Variants in CD55 observed in about 807,000 individuals in gnomAD.
CD55 encodes complement decay-accelerating factor.
CD55 carries 41 observed loss-of-function variants against 45.8 expected under a neutral mutation model. The observed-to-expected ratio is 0.90, with a 90% confidence interval of 0.70 to 1.16. The LOEUF is 1.16. Among genes scored for constraint, CD55 ranks in the 50% most tolerant of loss-of-function variants. CD55 has a pLI of 0.00. For synonymous variants in CD55, 181 were observed against 181.1 expected (o/e 1.00, Z 0.01); for missense variants, 416 against 469.8 (o/e 0.89, Z 1.06).
intron 5 of CD55, among the ~76,000 whole-genome samples, chr1:207,329,694 C>T (rs1340664144): frequency 6.6e-6 from 1 of 152,100 alleles, no homozygotes; most frequent in Non-Finnish European, 1.5e-5. Flanking sequence ...TCACTGCAGC[C>T]TCAACCTCCT....
intron 9 of CD55, among the ~76,000 whole-genome samples, chr1:207,350,590 G>T (rs543005454): frequency 6.6e-6 from 1 of 152,204 alleles, no homozygotes; most frequent in East Asian, 1.9e-4. Context: ...TTAGGAGGTT[G>T]TATTTTTCCA....
At chr1:207,339,319 T>C in intron 8 of CD55, 78 bp from the exon 9 acceptor site, 1 of 964,254 alleles carries the variant, frequency 1.0e-6, no homozygotes, top group Non-Finnish European at 1.6e-6. Context: ...AGTTTATTGA[T>C]AGTATATGAA....
intron 6 of CD55, among the ~76,000 whole-genome samples, chr1:207,332,074 C>A (rs564475584): frequency 7.9e-5 from 12 of 152,036 alleles, no homozygotes; most frequent in African/African-American, 2.6e-4. Context: ...GACATAATGA[C>A]ATAATATTAA....
chr1:207,349,186 A>AT lies in CD55; in HGVS notation c.1081+9783dup, dbSNP rs55880818. 3.0e-3 allele frequency among the ~76,000 whole-genome samples: 422 copies of AT among 142,064 alleles called. 4 individuals are homozygous for AT. The highest frequency in any genetic ancestry group is 0.014 in the East Asian group (67 of 4,876). 93.2% of individuals were successfully genotyped at this position (142,064 alleles called of 152,430 possible). A position where few individuals can be genotyped will look rare whatever the true frequency, so the allele number is the denominator to read the frequency against. On this transcript the variant is annotated intron_variant, in intron 9 of 9. Coordinates refer to ENST00000367064, the MANE Select transcript of CD55 (RefSeq NM_000574.5). Reference sequence around the variant, plus strand: ...GGCCCTTTTTAAAAATTTTGTATTAATTTTTTTTTTTTTTGAGACAGAGTC... The same window carrying AT: ...GGCCCTTTTTAAAAATTTTGTATTAATTTTTTTTTTTTTTTGAGACAGAGTC...
chr1:207,334,095 C>A (rs1232551870), intron 6 of CD55, among the ~76,000 whole-genome samples: 1 of 151,108 alleles, frequency 6.6e-6, no homozygotes, highest in Non-Finnish European at 1.5e-5. Flanking sequence ...ACCACTTTAG[C>A]AAAAAATCTA....
At chr1:207,357,912 A>G (rs1656138839) in intron 9 of CD55, among the ~76,000 whole-genome samples, 1 of 152,214 alleles carries the variant, frequency 6.6e-6, no homozygotes, top group Admixed American at 6.5e-5. Context: ...ACACCAACGA[A>G]TAATCAATTA....
intron 9 of CD55, among the ~76,000 whole-genome samples, chr1:207,349,324 AG>A (rs1655775303): frequency 6.6e-6 from 1 of 151,934 alleles, no homozygotes; most frequent in Non-Finnish European, 1.5e-5. Flanking sequence ...CTACGATTAC[AG>A]GTGCACACCA....
chr1:207,340,319 A>G lies in CD55; in HGVS notation c.1081+902A>G, dbSNP rs1655366536. Reference sequence around the variant, plus strand: ...CTTTATTCTTTTTATGGCTGAATGTATTTCATTCTATATATGCTAGATTTG... The same window carrying G: ...CTTTATTCTTTTTATGGCTGAATGTGTTTCATTCTATATATGCTAGATTTG... On this transcript the variant is annotated intron_variant, in intron 9 of 9. Transcript: ENST00000367064. The G allele has an allele frequency of 1.8e-5, 7 of 383,676 alleles. No individual in the cohort carries two copies. In the South Asian group the frequency reaches 4.1e-4, roughly 23 times the overall value. The allele number at this position is 383,676 out of a possible 1,614,324, so 23.8% of individuals were successfully genotyped here.
intron 9 of CD55, among the ~76,000 whole-genome samples, chr1:207,353,369 A>G (rs796892508): frequency 9.9e-5 from 15 of 152,284 alleles, no homozygotes; most frequent in African/African-American, 3.6e-4. Context: ...GAAGTCAGGA[A>G]ATATTCAGTG....
At position 207,360,589 on chromosome 1, in the gene CD55, G is replaced by C. The variant is rs1656260945; in HGVS notation, c.*979G>C. On this transcript the variant is annotated 3_prime_UTR_variant, in exon 10 of 10. Coordinates refer to ENST00000367064, the MANE Select transcript of CD55 (RefSeq NM_000574.5). ...CTACCTGCTTCCTACAAGCAGTTCA[G>C]AATGCCATGCCTTGGTTGTCCTAGT... 6.6e-6 allele frequency: 1 copy of C among 152,108 alleles called. No individual in the cohort carries two copies. The highest frequency in any genetic ancestry group is 1.5e-5 in the Non-Finnish European group (1 of 68,016). 9.4% of individuals were successfully genotyped at this position (152,108 alleles called of 1,614,324 possible).
chr1:207,328,749 T>G (rs1318351530), intron 5 of CD55, among the ~76,000 whole-genome samples: 1 of 152,254 alleles, frequency 6.6e-6, no homozygotes, highest in African/African-American at 2.4e-5. Flanking sequence ...TAAATCATTG[T>G]GCTTTACCTC....
In CD55 at chr1:207,328,974, G is replaced by A. The variant is rs192200834; in HGVS notation, c.665-2134G>A. 1.1e-4 allele frequency among the ~76,000 whole-genome samples: 16 copies of A among 152,242 alleles called. No homozygotes were observed. In the East Asian group the frequency reaches 2.7e-3, roughly 26 times the overall value. ...TATGGGTTCTCTGGTGCACATAAGCGGACAACTCAGCCTACATACCCAAGA... is the reference window on the plus strand; with the variant it reads ...TATGGGTTCTCTGGTGCACATAAGCAGACAACTCAGCCTACATACCCAAGA... On this transcript the variant is annotated intron_variant, in intron 5 of 9. Transcript: ENST00000367064.
At chr1:207,343,148 C>A (rs1214026096) in intron 9 of CD55, among the ~76,000 whole-genome samples, 2 of 151,696 alleles carry the variant, frequency 1.3e-5, no homozygotes, top group African/African-American at 4.8e-5. Context: ...CAAGTTTTCA[C>A]TTTATTGTTT....
At chr1:207,359,410 T>C in intron 9 of CD55, 136 bp from the exon 10 acceptor site, 1 of 788,494 alleles carries the variant, frequency 1.3e-6, no homozygotes, top group Non-Finnish European at 1.9e-6. Context: ...TACTCATTAT[T>C]TTTTTTGTTT....
intron 9 of CD55, chr1:207,350,106 T>C (rs766385265): frequency 1.7e-4 from 78 of 454,934 alleles, no homozygotes; most frequent in Non-Finnish European, 2.4e-4. Flanking sequence ...TCTACAACAA[T>C]TGAGATGATC....
Position 207,321,717 on chromosome 1 carries a change from C to G in CD55, c.-49C>G. ...TCGCTCCGGCCGCTGGGCGTAGCTG[C>G]GACTCGGCGGAGTCCCGGCGGCGCG... On this transcript the variant is annotated 5_prime_UTR_variant, in exon 1 of 10. Transcript: ENST00000367064. 1 of 1,373,636 alleles carries G rather than the reference C, an allele frequency of 7.3e-7. No individual in the cohort carries two copies. The highest frequency in any genetic ancestry group is 9.7e-7 in the Non-Finnish European group (1 of 1,032,790). The allele number at this position is 1,373,636 out of a possible 1,614,324, so 85.1% of individuals were successfully genotyped here. A position where few individuals can be genotyped will look rare whatever the true frequency, so the allele number is the denominator to read the frequency against.
intron 9 of CD55, among the ~76,000 whole-genome samples, chr1:207,346,192 G>A (rs908975797): frequency 2.6e-5 from 4 of 152,218 alleles, no homozygotes; most frequent in Non-Finnish European, 4.4e-5. Flanking sequence ...CTGTGGGTGC[G>A]GTGATTGGGT....
chr1:207,329,865 G>A (rs755655770), intron 5 of CD55, among the ~76,000 whole-genome samples: 8 of 152,104 alleles, frequency 5.3e-5, no homozygotes, highest in Non-Finnish European at 7.4e-5. Context: ...GCCCGCCTCA[G>A]CCTCCCAAAG....
rs1331400959 is a variant in CD55 at position 207,347,974 on chromosome 1, G to T, written c.1081+8557G>T. 2.0e-5 allele frequency among the ~76,000 whole-genome samples: 3 copies of T among 152,146 alleles called. No individual in the cohort carries two copies. In the East Asian group the frequency reaches 5.8e-4, roughly 29 times the overall value. On this transcript the variant is annotated intron_variant, in intron 9 of 9. Coordinates refer to ENST00000367064, the MANE Select transcript of CD55 (RefSeq NM_000574.5). ...ATATATACCACATTTTCTTTATCCA[G>T]TTCACCACTGATGTGCATCTAGGTT...
Sources: allele counts gnomAD v4.1 joint callset (sites outside exome capture counted in the v4.1 genomes callset), GRCh38; gene constraint gnomAD v4.1.1; transcripts MANE v1.5; gene names NCBI Gene and HGNC (gene_info 2026-07-23, HGNC 2026-07-21).